THSD7A: variants seen among roughly 807,000 people sequenced by gnomAD.
The protein encoded by THSD7A is thrombospondin type-1 domain-containing protein 7A.
A neutral mutation model predicts 231.3 loss-of-function variants in THSD7A; 96 were observed. The observed-to-expected ratio is 0.41, with a 90% confidence interval of 0.35 to 0.49. The LOEUF is 0.49. Ranked by LOEUF, THSD7A falls within the 20% of genes least tolerant of loss-of-function variation. THSD7A has a pLI of 0.05. For synonymous variants in THSD7A, 940 were observed against 743.3 expected (o/e 1.26, Z -4.30); for missense variants, 2,290 against 2,070.2 (o/e 1.11, Z -2.06).
rs979445398 is a variant in THSD7A, at chr7:11,397,240, G to A, written c.4411+4555C>T. On this transcript the variant is annotated intron_variant, in intron 23 of 27. Coordinates refer to ENST00000423059, the MANE Select transcript of THSD7A (RefSeq NM_015204.3). Reference sequence around the variant, plus strand: ...ATATAAAAACCAATGGAACACAACCGAGGCCTCAGAAATAATAACACACAT... The same window carrying A: ...ATATAAAAACCAATGGAACACAACCAAGGCCTCAGAAATAATAACACACAT... 4.6e-5 allele frequency among the ~76,000 whole-genome samples: 7 copies of A among 152,106 alleles called. No homozygotes were observed. The East Asian group carries it at 9.6e-4, about 21-fold the overall frequency.
intron 4 of THSD7A, among the ~76,000 whole-genome samples, chr7:11,572,775 G>C (rs915610648): frequency 6.6e-6 from 1 of 151,954 alleles, no homozygotes; most frequent in African/African-American, 2.4e-5. Flanking sequence ...CAGAGTGCTG[G>C]GATTAAAGTC....
chr7:11,688,468 T>C (rs1420265002), intron 1 of THSD7A, among the ~76,000 whole-genome samples: 3 of 151,786 alleles, frequency 2.0e-5, no homozygotes. Context: ...TAATCATTCA[T>C]CCACACATTC....
At chr7:11,500,770 A>T (rs1787299187) in intron 6 of THSD7A, among the ~76,000 whole-genome samples, 1 of 152,014 alleles carries the variant, frequency 6.6e-6, no homozygotes, top group Non-Finnish European at 1.5e-5. Context: ...ACCCATCTCT[A>T]CTAAAAATAC....
At chr7:11,595,696 C>G (rs904486143) in intron 2 of THSD7A, among the ~76,000 whole-genome samples, 6 of 152,280 alleles carry the variant, frequency 3.9e-5, no homozygotes, top group Admixed American at 3.9e-4. Context: ...GAGGGCAGCA[C>G]CTGCATCTTT....
intron 1 of THSD7A, among the ~76,000 whole-genome samples, chr7:11,688,081 C>T (rs1422025237): frequency 7.0e-6 from 1 of 143,266 alleles, no homozygotes; most frequent in African/African-American, 2.6e-5. Flanking sequence ...CACAACAGGC[C>T]CCCGGTGTGT....
intron 6 of THSD7A, among the ~76,000 whole-genome samples, chr7:11,491,405 C>T (rs1342480371): frequency 2.2e-5 from 2 of 92,294 alleles, no homozygotes; most frequent in East Asian, 5.6e-4. Flanking sequence ...CTATAAAGTT[C>T]CTTTAGTCCC....
rs527541382 is a variant in THSD7A, at chr7:11,474,244, A to G, written c.2252+90T>C. ...TGAGGACAGGTATGACAAGCATCAA[A>G]ATGTTCCATTTCATGAAGCCAGTGA... On this transcript the variant is annotated intron_variant, in intron 8 of 27. Transcript: ENST00000423059. The surrounding 1 kb of genome is among the most constrained non-coding windows in gnomAD (Gnocchi z 4.1). The G allele has an allele frequency of 5.4e-6, 6 of 1,110,584 alleles. No individual in the cohort carries two copies. Among genetic ancestry groups the G allele is most frequent in the Non-Finnish European group, 7.7e-6 (6 of 775,816 alleles). 68.8% of individuals were successfully genotyped at this position (1,110,584 alleles called of 1,614,324 possible).
intron 1 of THSD7A, among the ~76,000 whole-genome samples, chr7:11,765,514 C>G (rs2355081): frequency 0.76 from 116,100 of 152,116 alleles, 44,566 homozygotes; most frequent in African/African-American, 0.85. Context: ...TAGACTAGTT[C>G]AAATAAATAT....
intron 1 of THSD7A, among the ~76,000 whole-genome samples, chr7:11,733,140 G>A (rs1781794988): frequency 1.3e-5 from 2 of 151,708 alleles, no homozygotes; most frequent in African/African-American, 4.8e-5. Flanking sequence ...TCTTTCCTCT[G>A]CTGGGTCCTG....
In THSD7A at chr7:11,401,313, T is replaced by C. The variant is rs563236291; in HGVS notation, c.4411+482A>G. Among the ~76,000 whole-genome samples, 5 of 152,356 alleles carry C rather than the reference T, an allele frequency of 3.3e-5. No individual in the cohort carries two copies. The South Asian group carries it at 1.0e-3, about 32-fold the overall frequency. On this transcript the variant is annotated intron_variant, in intron 23 of 27. Transcript: ENST00000423059. ...TTTTGCAAAACTCACACCTTATTTA[T>C]GAAGGGTGGCAGGATGTTCCATCTT...
intron 1 of THSD7A, among the ~76,000 whole-genome samples, chr7:11,806,390 A>T (rs1451339585): frequency 2.0e-5 from 3 of 152,180 alleles, no homozygotes; most frequent in African/African-American, 7.2e-5. Flanking sequence ...TAGACCTTGG[A>T]CTATAGAGTT....
At chr7:11,798,105 T>C (rs568693046) in intron 1 of THSD7A, among the ~76,000 whole-genome samples, 32 of 152,248 alleles carry the variant, frequency 2.1e-4, no homozygotes, top group African/African-American at 7.7e-4. Context: ...AGGATTCACC[T>C]AACCATCTTT....
At position 11,565,897 on chromosome 7, in the gene THSD7A, T is replaced by C. The variant is rs150534281; in HGVS notation, c.1454-22780A>G. 3.6e-3 allele frequency among the ~76,000 whole-genome samples: 544 copies of C among 152,304 alleles called. 1 individual carries two copies. Among genetic ancestry groups the C allele is most frequent in the African/African-American group, 0.013 (523 of 41,562 alleles). ...CCTGTTCCTGCAGTTGCCAACTGAA[T>C]TGGCAGGTCTGAATTAAACTGCTGG... On this transcript the variant is annotated intron_variant, in intron 4 of 27. Coordinates refer to ENST00000423059, the MANE Select transcript of THSD7A (RefSeq NM_015204.3).
intron 4 of THSD7A, among the ~76,000 whole-genome samples, chr7:11,547,401 G>A (rs943194538): frequency 4.6e-5 from 7 of 152,158 alleles, no homozygotes; most frequent in African/African-American, 1.7e-4. Flanking sequence ...TATCTTAAGA[G>A]ACCATATCAC....
Position 11,373,741 on chromosome 7 carries a change from T to A in THSD7A, c.*2053A>T, listed in dbSNP as rs925117054. 6.6e-6 allele frequency: 1 copy of A among 151,824 alleles called. No individual in the cohort carries two copies. Among genetic ancestry groups the A allele is most frequent in the Non-Finnish European group, 1.5e-5 (1 of 67,956 alleles). 9.4% of individuals were successfully genotyped at this position (151,824 alleles called of 1,614,324 possible). ...ATACTCTAATGAACAGCAGGGGGAG[T>A]TCATACTCCAGTATGAAGGTAAAAA... On this transcript the variant is annotated 3_prime_UTR_variant, in exon 28 of 28. Transcript: ENST00000423059.
intron 1 of THSD7A, among the ~76,000 whole-genome samples, chr7:11,708,474 A>C (rs1218013520): frequency 6.6e-6 from 1 of 150,780 alleles, no homozygotes; most frequent in African/African-American, 2.4e-5. Context: ...CTTCTAATAA[A>C]ATGAATAGAA....
intron 1 of THSD7A, among the ~76,000 whole-genome samples, chr7:11,670,924 G>A (rs1406464640): frequency 6.6e-6 from 1 of 152,184 alleles, no homozygotes; most frequent in East Asian, 1.9e-4. Context: ...TCAGCAACCA[G>A]CACAGCAACT....
intron 4 of THSD7A, among the ~76,000 whole-genome samples, chr7:11,587,859 T>C (rs916509900): frequency 1.4e-4 from 21 of 152,160 alleles, no homozygotes; most frequent in African/African-American, 5.1e-4. Flanking sequence ...GCTTTCAGTA[T>C]TTTTTTGTAC....
chr7:11,798,608 C>T (rs922813873), intron 1 of THSD7A, among the ~76,000 whole-genome samples: 2 of 151,700 alleles, frequency 1.3e-5, no homozygotes, highest in Non-Finnish European at 2.9e-5. Flanking sequence ...GTGATTTGAA[C>T]AATATTGTCA....
Sources: gnomAD v4.1 joint callset for allele counts (sites outside exome capture counted in the v4.1 genomes callset) on GRCh38, gnomAD v4.1.1 for gene constraint, Gnocchi (gnomAD v3.1) non-coding constraint, MANE v1.5 for transcripts, NCBI Gene and HGNC (gene_info 2026-07-23, HGNC 2026-07-21) for gene names.